Variants in PPARGC1A observed in about 807,000 individuals in gnomAD.
The protein encoded by PPARGC1A is PPARG coactivator 1 alpha.
A neutral mutation model predicts 88.7 loss-of-function variants in PPARGC1A; 25 were observed. That is an observed-to-expected ratio of 0.28 (90% CI 0.21 to 0.39). PPARGC1A has a LOEUF of 0.39. Among genes scored for constraint, PPARGC1A ranks in the 10% least tolerant of loss-of-function variants. The pLI is 1.00. For synonymous variants in PPARGC1A, 363 were observed against 355.6 expected (o/e 1.02, Z -0.24); for missense variants, 880 against 968.7 (o/e 0.91, Z 1.22).
the PPARGC1A span, among the ~76,000 whole-genome samples, chr4:24,078,637 T>C: frequency 6.6e-6 from 1 of 152,222 alleles, no homozygotes; most frequent in South Asian, 2.1e-4. Flanking sequence ...ACCTTCAATT[T>C]ATGAGCATTT....
At chr4:24,021,916 G>C in the PPARGC1A span, among the ~76,000 whole-genome samples, 56 of 152,322 alleles carry the variant, frequency 3.7e-4, no homozygotes, top group African/African-American at 1.2e-3. Flanking sequence ...AGAGAGGTCA[G>C]AGAAGCCCTT....
the PPARGC1A span, among the ~76,000 whole-genome samples, chr4:24,261,145 T>C: frequency 6.6e-6 from 1 of 152,212 alleles, no homozygotes; most frequent in Non-Finnish European, 1.5e-5. Flanking sequence ...GGAGAGTCTC[T>C]GGGTAATAGA....
chr4:24,263,666 C>A, the PPARGC1A span, among the ~76,000 whole-genome samples: 1 of 152,176 alleles, frequency 6.6e-6, no homozygotes, highest in South Asian at 2.1e-4. Flanking sequence ...CTCCTCAGTC[C>A]ACCCAATGTG....
At chr4:24,207,312 A>T in the PPARGC1A span, among the ~76,000 whole-genome samples, 1 of 152,196 alleles carries the variant, frequency 6.6e-6, no homozygotes, top group East Asian at 1.9e-4. Context: ...ATGCATACTT[A>T]TGTACACACC....
the PPARGC1A span, among the ~76,000 whole-genome samples, chr4:24,469,368 G>A: frequency 2.0e-5 from 3 of 152,198 alleles, no homozygotes; most frequent in Admixed American, 2.0e-4. Context: ...AATGGAGATT[G>A]TGGCAGTGTT....
the PPARGC1A span, among the ~76,000 whole-genome samples, chr4:24,084,962 G>A: frequency 1.1e-3 from 167 of 152,222 alleles, no homozygotes; most frequent in African/African-American, 3.7e-3. Context: ...AATTAGAAAA[G>A]GTCAGTCTAC....
At chr4:23,834,358 A>G (rs1725631005) in intron 2 of PPARGC1A, among the ~76,000 whole-genome samples, 1 of 151,912 alleles carries the variant, frequency 6.6e-6, no homozygotes. Flanking sequence ...GTGTGGTAGC[A>G]CATACCTGTA....
chr4:24,296,058 ATATGTG>A, the PPARGC1A span, among the ~76,000 whole-genome samples: 1 of 150,966 alleles, frequency 6.6e-6, no homozygotes, highest in Admixed American at 6.6e-5. Flanking sequence ...GTATGTGTAT[ATATGTG>A]TATATGTATA....
the PPARGC1A span, among the ~76,000 whole-genome samples, chr4:24,007,185 C>A: frequency 6.6e-6 from 1 of 152,114 alleles, no homozygotes; most frequent in Admixed American, 6.6e-5. Context: ...TCACGATCTT[C>A]TGTAGGTTCA....
chr4:24,316,156 A>G, the PPARGC1A span, among the ~76,000 whole-genome samples: 1 of 152,236 alleles, frequency 6.6e-6, no homozygotes, highest in Non-Finnish European at 1.5e-5. Context: ...TCTATCTGAA[A>G]GATCACCAAC....
the PPARGC1A span, among the ~76,000 whole-genome samples, chr4:24,036,174 T>C: frequency 6.6e-6 from 1 of 152,178 alleles, no homozygotes; most frequent in Non-Finnish European, 1.5e-5. Context: ...AGCATTTAGA[T>C]AGAGAATAGA....
chr4:24,305,827 A>G, the PPARGC1A span, among the ~76,000 whole-genome samples: 2 of 152,118 alleles, frequency 1.3e-5, no homozygotes, highest in African/African-American at 4.8e-5. Context: ...AAAATTTAAA[A>G]AGAGGGTGGC....
chr4:24,324,417 G>A, the PPARGC1A span, among the ~76,000 whole-genome samples: 1 of 151,692 alleles, frequency 6.6e-6, no homozygotes, highest in Non-Finnish European at 1.5e-5. Flanking sequence ...TTTTCTGGAG[G>A]GCAAGAACCC....
chr4:23,872,994 T>C (rs7688248), intron 2 of PPARGC1A, among the ~76,000 whole-genome samples: 87,875 of 151,100 alleles, frequency 0.58, 26,738 homozygotes, highest in Non-Finnish European at 0.69. Context: ...ATAGAGACCA[T>C]CCTGGCTAAC....
chr4:23,988,185 A>C, the PPARGC1A span, among the ~76,000 whole-genome samples: 1 of 152,162 alleles, frequency 6.6e-6, no homozygotes, highest in South Asian at 2.1e-4. Flanking sequence ...CCAGTCTATC[A>C]CTGATGGACA....
At chr4:24,110,266 A>G in the PPARGC1A span, among the ~76,000 whole-genome samples, 1 of 152,194 alleles carries the variant, frequency 6.6e-6, no homozygotes, top group South Asian at 2.1e-4. Flanking sequence ...ATGTAGTTTA[A>G]AACACCACCA....
the PPARGC1A span, among the ~76,000 whole-genome samples, chr4:24,202,271 C>T: frequency 6.6e-6 from 1 of 152,120 alleles, no homozygotes; most frequent in Non-Finnish European, 1.5e-5. Context: ...ATTCATTTTC[C>T]CGTGAAGCTC....
At chr4:24,004,635 A>G in the PPARGC1A span, among the ~76,000 whole-genome samples, 1 of 152,220 alleles carries the variant, frequency 6.6e-6, no homozygotes, top group Non-Finnish European at 1.5e-5. Context: ...GGGACAGTTT[A>G]TAAGTGTCTT....
chr4:24,261,905 A>C, the PPARGC1A span, among the ~76,000 whole-genome samples: 1 of 152,206 alleles, frequency 6.6e-6, no homozygotes, highest in African/African-American at 2.4e-5. Flanking sequence ...CAGATGCACA[A>C]TCTGCCTCCA....
Sources: allele counts gnomAD v4.1 joint callset (sites outside exome capture counted in the v4.1 genomes callset), GRCh38; gene constraint gnomAD v4.1.1; transcripts MANE v1.5; gene names NCBI Gene and HGNC (gene_info 2026-07-23, HGNC 2026-07-21).